The following CALD1 variants were observed in gnomAD, a reference collection of about 807,000 sequenced individuals.
CALD1 encodes the protein caldesmon 1, also known as caldesmon.
In CALD1, 33 loss-of-function variants were observed where a neutral mutation model predicts 99.9. That is an observed-to-expected ratio of 0.33 (90% CI 0.25 to 0.44). The LOEUF (loss-of-function observed/expected upper bound fraction) is 0.44, where lower values mean the gene tolerates loss of function less well. CALD1 is among the 20% of genes least tolerant of loss of function. The pLI is 1.00. For missense variants in CALD1, 861 were observed against 962.1 expected, an observed-to-expected ratio of 0.89 and a Z score of 1.39; for synonymous variants, 310 against 325.0, an observed-to-expected ratio of 0.95 and a Z score of 0.50.
the CALD1 span, among the ~76,000 whole-genome samples, chr7:134,729,779 G>C: frequency 1.3e-5 from 2 of 152,242 alleles, no homozygotes; most frequent in African/African-American, 2.4e-5. Context: ...GAGGAGCTTT[G>C]AGTGATGCTT....
upstream of CALD1, among the ~76,000 whole-genome samples, chr7:134,742,016 T>TACACACACACACAC (rs112633191): frequency 7.0e-3 from 1,043 of 147,974 alleles, 10 homozygotes; most frequent in African/African-American, 0.021. Context: ...GAGGTATTGA[T>TACACACACACACAC]ACACACACAC....
At chr7:134,773,118 GTCT>G (rs2131636329) in intron 1 of CALD1, among the ~76,000 whole-genome samples, 1 of 152,174 alleles carries the variant, frequency 6.6e-6, no homozygotes, top group East Asian at 1.9e-4. Flanking sequence ...GTTTTCAAAA[GTCT>G]TCTTTTATTA....
At chr7:134,929,329 T>C (rs1168734334) in intron 4 of CALD1, among the ~76,000 whole-genome samples, 4 of 151,836 alleles carry the variant, frequency 2.6e-5, no homozygotes, top group Admixed American at 2.0e-4. Flanking sequence ...TTCTGATATT[T>C]TGGTGCACTC....
chr7:134,819,801 A>G (rs1479316665), intron 1 of CALD1, among the ~76,000 whole-genome samples: 2 of 152,224 alleles, frequency 1.3e-5, no homozygotes, highest in Non-Finnish European at 2.9e-5. Context: ...GCTTGAGCCC[A>G]GAAGTTCAAA....
At chr7:134,737,300 A>ATTT in the CALD1 span, among the ~76,000 whole-genome samples, 56 of 150,706 alleles carry the variant, frequency 3.7e-4, no homozygotes, top group East Asian at 7.5e-3. Context: ...AATTTTTGTA[A>ATTT]TTTTTTTTTG....
chr7:134,724,337 C>G, the CALD1 span, among the ~76,000 whole-genome samples: 2 of 152,248 alleles, frequency 1.3e-5, no homozygotes, highest in East Asian at 3.9e-4. Flanking sequence ...TGGGAAAGGC[C>G]TTTGAGAAGG....
chr7:134,722,264 C>G, the CALD1 span, among the ~76,000 whole-genome samples: 1 of 152,168 alleles, frequency 6.6e-6, no homozygotes, highest in African/African-American at 2.4e-5. Context: ...TTTCTCTTCT[C>G]TTTGCCACTT....
Position 134,968,646 on chromosome 7 carries a change from T to G in CALD1, c.*301T>G. 1 of 610,416 alleles carries G rather than the reference T, an allele frequency of 1.6e-6. No individual in the cohort carries two copies. The highest frequency in any genetic ancestry group is 3.1e-6 in the Non-Finnish European group (1 of 325,930). The allele number at this position is 610,416 out of a possible 1,614,324, so 37.8% of individuals were successfully genotyped here. On this transcript the variant is annotated 3_prime_UTR_variant, in exon 15 of 15. Transcript: ENST00000361675. ...TCTGAGCAGTGATACCAACCACATC[T>G]GAAGTCAACAGAAGATCCAAGTTTA...
chr7:134,774,874 T>C (rs1314609858), upstream of CALD1, among the ~76,000 whole-genome samples: 1 of 152,240 alleles, frequency 6.6e-6, no homozygotes, highest in Non-Finnish European at 1.5e-5. Context: ...GATTTATTTA[T>C]GATTTTTTTA....
chr7:134,811,334 G>C (rs1798347792), intron 1 of CALD1, among the ~76,000 whole-genome samples: 1 of 152,162 alleles, frequency 6.6e-6, no homozygotes, highest in African/African-American at 2.4e-5. Flanking sequence ...GCAGGGGTCT[G>C]GAGTACAATC....
chr7:134,926,705 A>G (rs1410875091), intron 3 of CALD1, among the ~76,000 whole-genome samples: 2 of 152,226 alleles, frequency 1.3e-5, no homozygotes, highest in East Asian at 3.8e-4. Context: ...ATCATCAGTT[A>G]TATTAGGTTA....
intron 1 of CALD1, among the ~76,000 whole-genome samples, chr7:134,752,229 A>G (rs2131563924): frequency 6.6e-6 from 1 of 152,340 alleles, no homozygotes; most frequent in South Asian, 2.1e-4. Flanking sequence ...CTTATTTCAT[A>G]TAGGCTAAGT....
chr7:134,910,193 C>T (rs1039739051), intron 3 of CALD1, among the ~76,000 whole-genome samples: 1 of 152,174 alleles, frequency 6.6e-6, no homozygotes, highest in Admixed American at 6.5e-5. Flanking sequence ...CGTAGAGATC[C>T]ATCTCAAGAT....
intron 2 of CALD1, among the ~76,000 whole-genome samples, chr7:134,866,258 G>T (rs1369221308): frequency 1.3e-5 from 2 of 152,202 alleles, no homozygotes; most frequent in East Asian, 3.9e-4. Flanking sequence ...TTTCTTTATG[G>T]TCGATGAAAT....
chr7:134,966,199 G>A (rs1808670828), intron 14 of CALD1, among the ~76,000 whole-genome samples: 1 of 152,152 alleles, frequency 6.6e-6, no homozygotes, highest in Non-Finnish European at 1.5e-5. Context: ...AGCAAACTCA[G>A]GACTAAAGAG....
At chr7:134,892,913 C>A (rs1017021427) in intron 3 of CALD1, among the ~76,000 whole-genome samples, 1 of 151,922 alleles carries the variant, frequency 6.6e-6, no homozygotes, top group Non-Finnish European at 1.5e-5. Flanking sequence ...TCAAAACTTC[C>A]TTGGAATCCT....
chr7:134,881,988 T>C (rs2132432413), intron 3 of CALD1, among the ~76,000 whole-genome samples: 1 of 152,348 alleles, frequency 6.6e-6, no homozygotes, highest in East Asian at 1.9e-4. Flanking sequence ...TCGCACTTTT[T>C]ACATATGTTA....
intron 1 of CALD1, among the ~76,000 whole-genome samples, chr7:134,758,298 A>G (rs1357741017): frequency 2.0e-5 from 3 of 152,228 alleles, no homozygotes; most frequent in South Asian, 2.1e-4. Context: ...AACTGGGATG[A>G]CTGCCTGTTG....
chr7:134,822,694 T>C (rs1246669984), intron 1 of CALD1, among the ~76,000 whole-genome samples: 1 of 152,214 alleles, frequency 6.6e-6, no homozygotes, highest in African/African-American at 2.4e-5. Flanking sequence ...TTCTAAAACC[T>C]CTCATCTTAC....
Sources: allele counts gnomAD v4.1 joint callset (sites outside exome capture counted in the v4.1 genomes callset), GRCh38; gene constraint gnomAD v4.1.1; transcripts MANE v1.5; gene names NCBI Gene and HGNC (gene_info 2026-07-23, HGNC 2026-07-21).